TMEM132E: variants seen among roughly 807,000 people sequenced by gnomAD.
TMEM132E encodes transmembrane protein 132E.
Under a neutral mutation model 78.5 loss-of-function variants are expected in TMEM132E, and 49 were observed. That is an observed-to-expected ratio of 0.62 (90% CI 0.50 to 0.79). The LOEUF is 0.79. Ranked by LOEUF, TMEM132E falls within the 30% of genes least tolerant of loss-of-function variation. TMEM132E has a pLI of 0.00. For missense variants in TMEM132E, 1,403 were observed against 1,470.9 expected, an observed-to-expected ratio of 0.95 and a Z score of 0.75; for synonymous variants, 715 against 670.6, an observed-to-expected ratio of 1.07 and a Z score of -1.02.
Position 34,638,409 on chromosome 17 carries a change from C to T in TMEM132E, c.*177C>T. ...CCTCAGTGTCTGGGCCTTCCCTCGC[C>T]TCACGCCATTACCCTCTTCTGCCCC... is the stretch of plus-strand genomic sequence containing the variant. On this transcript the variant is annotated 3_prime_UTR_variant, in exon 9 of 9. Coordinates refer to ENST00000631683, the MANE Select transcript of TMEM132E (RefSeq NM_001304438.2). 1 of 653,526 alleles carries T rather than the reference C, an allele frequency of 1.5e-6. No homozygotes were observed. Among genetic ancestry groups the T allele is most frequent in the South Asian group, 2.2e-5 (1 of 45,770 alleles). 40.5% of individuals were successfully genotyped at this position (653,526 alleles called of 1,614,324 possible).
At chr17:34,602,097 T>G (rs1906260374) in intron 1 of TMEM132E, among the ~76,000 whole-genome samples, 1 of 152,156 alleles carries the variant, frequency 6.6e-6, no homozygotes, top group South Asian at 2.1e-4. Context: ...TAAAAACCAC[T>G]TCCTCAGCCC....
chr17:34,620,467 C>G (rs1197101820), intron 1 of TMEM132E, among the ~76,000 whole-genome samples: 1 of 152,276 alleles, frequency 6.6e-6, no homozygotes, highest in Admixed American at 6.5e-5. Flanking sequence ...CTACGCAAAG[C>G]TGGTCCAGCC....
intron 1 of TMEM132E, among the ~76,000 whole-genome samples, chr17:34,615,497 C>A (rs12453171): frequency 1.4e-5 from 2 of 146,404 alleles, no homozygotes; most frequent in Admixed American, 1.4e-4. Flanking sequence ...AGGGTGCCTG[C>A]AAGGGGAAGA....
chr17:34,623,708 A>C (rs992998161), intron 1 of TMEM132E, among the ~76,000 whole-genome samples: 1 of 152,228 alleles, frequency 6.6e-6, no homozygotes, highest in African/African-American at 2.4e-5. Flanking sequence ...CAACTTGCAC[A>C]GTGAGTCTGT....
At chr17:34,581,807 C>G (rs1280291435) in intron 1 of TMEM132E, among the ~76,000 whole-genome samples, 4 of 150,978 alleles carry the variant, frequency 2.6e-5, no homozygotes, top group Admixed American at 1.3e-4. Flanking sequence ...CTCTCGCATT[C>G]TGCAATCTGT....
intron 1 of TMEM132E, among the ~76,000 whole-genome samples, chr17:34,623,112 A>G (rs1181181532): frequency 6.6e-6 from 1 of 152,182 alleles, no homozygotes; most frequent in East Asian, 1.9e-4. Flanking sequence ...ATCCAAGAAC[A>G]GCAAATGGTT....
intron 1 of TMEM132E, among the ~76,000 whole-genome samples, chr17:34,602,073 C>T (rs1328819406): frequency 6.6e-6 from 1 of 152,202 alleles, no homozygotes; most frequent in African/African-American, 2.4e-5. Flanking sequence ...TGAGGGGTTC[C>T]AGGGAACACC....
Position 34,626,126 on chromosome 17 carries a change from G to T in TMEM132E, c.68-1G>T. On this transcript the variant is annotated splice_acceptor_variant, in intron 1 of 8. Coordinates refer to ENST00000631683, the MANE Select transcript of TMEM132E (RefSeq NM_001304438.2). LOFTEE classifies it high-confidence loss of function. ...GGCCTCTTTCCTCTGTCTGTCCCCAGCCTCTGGCCGCTCCCACCCGGCCAG... is the reference window on the plus strand; with the variant it reads ...GGCCTCTTTCCTCTGTCTGTCCCCATCCTCTGGCCGCTCCCACCCGGCCAG... The T allele has an allele frequency of 6.6e-7, 1 of 1,512,608 alleles. No individual in the cohort carries two copies. 93.7% of individuals were successfully genotyped at this position (1,512,608 alleles called of 1,614,324 possible). A position where few individuals can be genotyped will look rare whatever the true frequency, so the allele number is the denominator to read the frequency against.
At chr17:34,590,859 T>C (rs181627682) in intron 1 of TMEM132E, among the ~76,000 whole-genome samples, 4 of 152,218 alleles carry the variant, frequency 2.6e-5, no homozygotes, top group Admixed American at 2.0e-4. Context: ...CAGGGAACAA[T>C]TGGCAGATTG....
intron 1 of TMEM132E, among the ~76,000 whole-genome samples, chr17:34,616,236 G>A (rs915865223): frequency 1.3e-5 from 2 of 152,140 alleles, no homozygotes; most frequent in Non-Finnish European, 2.9e-5. Context: ...CAAAGTGGAG[G>A]AGGGGCGCCC....
In TMEM132E at chr17:34,634,818, G is replaced by A. The variant is rs1907459014; in HGVS notation, c.1708G>A (p.Asp570Asn). The A allele has an allele frequency of 6.2e-7, 1 of 1,613,858 alleles. No homozygotes were observed. The highest frequency in any genetic ancestry group is 1.3e-5 in the African/African-American group (1 of 75,044). The change falls in exon 7 of 9, where the codon GAT becomes AAT. Residue 570 changes from aspartate to asparagine, a missense_variant. By Grantham distance (23) the Asp-to-Asn change is conservative. Transcript: ENST00000631683. ...PDRRSVRESE[D>N]EDEEEEERRQ... ...CCCCAGGTCAGTCCGGGAAAGCGAGGATGAGGATGAGGAGGAGGAGGAGCG... is the reference window on the plus strand; with the variant it reads ...CCCCAGGTCAGTCCGGGAAAGCGAGAATGAGGATGAGGAGGAGGAGGAGCG...
chr17:34,609,599 T>C (rs937419856), intron 1 of TMEM132E, among the ~76,000 whole-genome samples: 2 of 152,202 alleles, frequency 1.3e-5, no homozygotes, highest in African/African-American at 4.8e-5. Flanking sequence ...GTGTGTGGTA[T>C]GTGTGGATGT....
chr17:34,618,841 C>T (rs995652111), intron 1 of TMEM132E, among the ~76,000 whole-genome samples: 1 of 152,198 alleles, frequency 6.6e-6, no homozygotes, highest in South Asian at 2.1e-4. Flanking sequence ...CCCCATTTGC[C>T]TAGGGGGAAG....
chr17:34,631,646 C>A (rs1253108378), intron 5 of TMEM132E, among the ~76,000 whole-genome samples: 1 of 152,182 alleles, frequency 6.6e-6, no homozygotes, highest in Non-Finnish European at 1.5e-5. Context: ...TCCACCCACC[C>A]CTCTGAGATG....
intron 1 of TMEM132E, 53 bp downstream of exon 1, chr17:34,581,196 G>C: frequency 6.9e-7 from 1 of 1,452,222 alleles, no homozygotes; most frequent in Non-Finnish European, 9.1e-7. Flanking sequence ...GCCACTGGAG[G>C]GGGTACGGGG....
intron 1 of TMEM132E, among the ~76,000 whole-genome samples, chr17:34,606,495 A>G (rs1906417503): frequency 6.6e-6 from 1 of 152,242 alleles, no homozygotes; most frequent in African/African-American, 2.4e-5. Flanking sequence ...AGACTTGTCC[A>G]AACCACAAAG....
intron 1 of TMEM132E, among the ~76,000 whole-genome samples, chr17:34,604,534 C>T (rs1906347553): frequency 6.6e-6 from 1 of 152,196 alleles, no homozygotes; most frequent in Non-Finnish European, 1.5e-5. Flanking sequence ...TCTCCTGTGT[C>T]ATCACCTGCG....
At position 34,636,069 on chromosome 17, in the gene TMEM132E, G is replaced by T. The variant is rs1206834096; in HGVS notation, c.2040G>T (p.Lys680Asn). Residue 680 changes from lysine to asparagine, a missense_variant, in exon 8 of 9, where the codon AAG becomes AAT. Physicochemically the swap from Lys to Asn is moderately conservative, Grantham distance 94. This residue lies in a region of TMEM132E where 888 missense variants were observed against 952.8 expected (regional missense o/e 0.93). Coordinates refer to ENST00000631683, the MANE Select transcript of TMEM132E (RefSeq NM_001304438.2). ...GETLLTVTEEKVSITQLQAQV... is the reference protein window; with the variant it reads ...GETLLTVTEENVSITQLQAQV... ...CGCTGCTGACGGTGACTGAGGAGAAGGTCAGCATCACACAGCTTCAGGCCC... is the reference window on the plus strand; with the variant it reads ...CGCTGCTGACGGTGACTGAGGAGAATGTCAGCATCACACAGCTTCAGGCCC... 1 of 1,590,158 alleles carries T rather than the reference G, an allele frequency of 6.3e-7. No homozygotes were observed. Among genetic ancestry groups the T allele is most frequent in the Admixed American group, 1.8e-5 (1 of 56,588 alleles).
intron 1 of TMEM132E, among the ~76,000 whole-genome samples, chr17:34,621,882 G>T (rs1906972281): frequency 6.6e-6 from 1 of 152,078 alleles, no homozygotes; most frequent in South Asian, 2.1e-4. Flanking sequence ...CCTTAGTGTT[G>T]TGCGTCCAAG....
Sources: gnomAD v4.1 joint callset for allele counts (sites outside exome capture counted in the v4.1 genomes callset) on GRCh38, gnomAD v4.1.1 for gene constraint, gnomAD v4.1.1 regional missense constraint, MANE v1.5 for transcripts, NCBI Gene and HGNC (gene_info 2026-07-23, HGNC 2026-07-21) for gene names.